Variants in SLC6A13 observed in about 807,000 individuals in gnomAD.
SLC6A13 encodes sodium- and chloride-dependent GABA transporter 2.
Under a neutral mutation model 72.9 loss-of-function variants are expected in SLC6A13, and 69 were observed. The ratio of observed to expected loss-of-function variants is 0.95; its 90% CI spans 0.78 to 1.16. The LOEUF (loss-of-function observed/expected upper bound fraction) is 1.16, where lower values mean the gene tolerates loss of function less well. Among genes scored for constraint, SLC6A13 ranks in the 50% most tolerant of loss-of-function variants. SLC6A13 has a pLI of 0.00. For synonymous variants in SLC6A13, 303 were observed against 303.0 expected (o/e 1.00, Z 0.00); for missense variants, 735 against 760.5 (o/e 0.97, Z 0.39).
chr12:229,194 G>C (rs1941603192), intron 7 of SLC6A13, among the ~76,000 whole-genome samples: 1 of 152,170 alleles, frequency 6.6e-6, no homozygotes, highest in African/African-American at 2.4e-5. Context: ...GAAATGCTGG[G>C]AATGAAATGC....
At chr12:250,781 C>A (rs1942504010) in intron 2 of SLC6A13, among the ~76,000 whole-genome samples, 1 of 93,902 alleles carries the variant, frequency 1.1e-5, no homozygotes. Flanking sequence ...TAGAAATTCA[C>A]AAATTCTTTC....
At chr12:238,302 A>G in intron 4 of SLC6A13, 3 of 1,402,350 alleles carry the variant, frequency 2.1e-6, no homozygotes, top group Non-Finnish European at 2.8e-6. Context: ...GCTTCAAGGC[A>G]TGCTAACATT....
At chr12:221,292 T>TGC in intron 14 of SLC6A13, 84 bp downstream of exon 14, 2 of 1,416,066 alleles carry the variant, frequency 1.4e-6, no homozygotes, top group Non-Finnish European at 1.9e-6. Context: ...CACAACGGTG[T>TGC]GCGCCCTGGC....
At chr12:261,897 G>A (rs918747519) in intron 1 of SLC6A13, among the ~76,000 whole-genome samples, 1 of 151,184 alleles carries the variant, frequency 6.6e-6, no homozygotes, top group African/African-American at 2.4e-5. Flanking sequence ...CTGCACTCCA[G>A]TCTGGGCAAC....
chr12:221,317 T>A (rs977712108), intron 14 of SLC6A13, 59 bp downstream of exon 14: 3 of 1,498,850 alleles, frequency 2.0e-6, no homozygotes, highest in African/African-American at 2.8e-5. Context: ...AGCCCACCTG[T>A]CGGCACCTGC....
intron 2 of SLC6A13, among the ~76,000 whole-genome samples, chr12:256,277 G>A (rs1251906976): frequency 6.6e-6 from 1 of 152,060 alleles, no homozygotes; most frequent in Non-Finnish European, 1.5e-5. Context: ...TTTGCTACGT[G>A]CTCAGTAAGT....
chr12:250,910 A>G (rs1942515020), intron 2 of SLC6A13, among the ~76,000 whole-genome samples: 1 of 149,042 alleles, frequency 6.7e-6, no homozygotes, highest in South Asian at 2.1e-4. Context: ...TTTTGGGAGC[A>G]TTCTGGGAGG....
intron 1 of SLC6A13, among the ~76,000 whole-genome samples, chr12:261,888 T>C (rs985251354): frequency 6.6e-6 from 1 of 150,376 alleles, no homozygotes; most frequent in Non-Finnish European, 1.5e-5. Context: ...ATCGCGCCAC[T>C]GCACTCCAGT....
At chr12:243,427 C>A (rs1382792461) in intron 3 of SLC6A13, among the ~76,000 whole-genome samples, 1 of 152,334 alleles carries the variant, frequency 6.6e-6, no homozygotes, top group East Asian at 1.9e-4. Flanking sequence ...GTGTTTAAAA[C>A]ATATGGCTAA....
chr12:228,115 G>A (rs529271437), intron 7 of SLC6A13, among the ~76,000 whole-genome samples: 3 of 152,154 alleles, frequency 2.0e-5, no homozygotes, highest in Admixed American at 6.5e-5. Context: ...TGCCCCTCAC[G>A]TCTCAGCAAC....
chr12:231,698 G>A (rs1253773568), intron 7 of SLC6A13, among the ~76,000 whole-genome samples: 1 of 152,214 alleles, frequency 6.6e-6, no homozygotes, highest in Non-Finnish European at 1.5e-5. Flanking sequence ...ACTGAAAGAG[G>A]TCTTTGTCCC....
chr12:252,864 C>T (rs924913865), intron 2 of SLC6A13, among the ~76,000 whole-genome samples: 10 of 150,264 alleles, frequency 6.7e-5, no homozygotes, highest in African/African-American at 1.9e-4. Context: ...TCCTCTGCCT[C>T]GTTGAGCTCC....
rs971643640 is a variant in SLC6A13 at position 221,122 on chromosome 12, C to A, written c.1687-52G>T. 15 of 1,537,512 alleles carry A rather than the reference C, an allele frequency of 9.8e-6. No homozygotes were observed. In the African/African-American group the frequency reaches 2.1e-4, roughly 21 times the overall value. ...AGGTGGTGGAGCGGGGGCAGGTCTG[C>A]CAGCTTCCCTCATCACCAACATCTG... is the stretch of plus-strand genomic sequence containing the variant. On this transcript the variant is annotated intron_variant, in intron 14 of 14. Coordinates refer to ENST00000343164, the MANE Select transcript of SLC6A13 (RefSeq NM_016615.5).
At chr12:236,659 AT>A (rs1484694318) in intron 6 of SLC6A13, among the ~76,000 whole-genome samples, 12 of 152,238 alleles carry the variant, frequency 7.9e-5, no homozygotes, top group Non-Finnish European at 1.8e-4. Flanking sequence ...TTTGTGACAC[AT>A]GACCTCTGTC....
At chr12:240,648 G>A (rs577534213) in intron 4 of SLC6A13, among the ~76,000 whole-genome samples, 1 of 152,244 alleles carries the variant, frequency 6.6e-6, no homozygotes, top group Non-Finnish European at 1.5e-5. Flanking sequence ...ATGACTAGTG[G>A]GAAAACCAAA....
rs145863491 is a variant in SLC6A13 at position 248,647 on chromosome 12, T to G, written c.203-4834A>C. 6.7e-3 allele frequency among the ~76,000 whole-genome samples: 1,021 copies of G among 152,206 alleles called. 15 individuals carry two copies. The highest frequency in any genetic ancestry group is 0.024 in the African/African-American group (995 of 41,532). Reference sequence around the variant, plus strand: ...TGCACGAAGCAAAAACTGACAGAACTACAAAGAGAAACATATAAACTAATT... The same window carrying G: ...TGCACGAAGCAAAAACTGACAGAACGACAAAGAGAAACATATAAACTAATT... On this transcript the variant is annotated intron_variant, in intron 2 of 14. Coordinates refer to ENST00000343164, the MANE Select transcript of SLC6A13 (RefSeq NM_016615.5).
intron 7 of SLC6A13, among the ~76,000 whole-genome samples, chr12:228,285 C>T (rs1212596113): frequency 3.3e-5 from 5 of 152,152 alleles, no homozygotes; most frequent in Admixed American, 6.5e-5. Context: ...TCAGCTGGCT[C>T]GCCCAGCCCG....
In SLC6A13 at chr12:230,271, G is replaced by A. The variant is rs189027792; in HGVS notation, c.832-2603C>T. 2.0e-3 allele frequency among the ~76,000 whole-genome samples: 303 copies of A among 152,298 alleles called. 3 individuals carry two copies. Among genetic ancestry groups the A allele is most frequent in the African/African-American group, 6.9e-3 (286 of 41,560 alleles). On this transcript the variant is annotated intron_variant, in intron 7 of 14. Coordinates refer to ENST00000343164, the MANE Select transcript of SLC6A13 (RefSeq NM_016615.5). ...AACGCAGGTAAAAGAGGTCTTGGGGGGAAGGAGGAGGAGAGGGGACTCTAG... is the reference window on the plus strand; with the variant it reads ...AACGCAGGTAAAAGAGGTCTTGGGGAGAAGGAGGAGGAGAGGGGACTCTAG...
intron 2 of SLC6A13, among the ~76,000 whole-genome samples, chr12:258,095 G>T (rs78455784): frequency 6.6e-6 from 1 of 152,218 alleles, no homozygotes; most frequent in Non-Finnish European, 1.5e-5. Context: ...CACGTGGAGC[G>T]TTCGGCACTA....
Sources: gnomAD v4.1 joint callset for allele counts (sites outside exome capture counted in the v4.1 genomes callset) on GRCh38, gnomAD v4.1.1 for gene constraint, MANE v1.5 for transcripts, NCBI Gene and HGNC (gene_info 2026-07-23, HGNC 2026-07-21) for gene names.